Variants in NALF1 observed in about 807,000 individuals in gnomAD.
NALF1 encodes NALCN channel auxiliary factor 1.
In NALF1, 3 loss-of-function variants were observed where a neutral mutation model predicts 48.4. The ratio of observed to expected loss-of-function variants is 0.06; its 90% CI spans 0.03 to 0.16. NALF1 has a LOEUF of 0.16. NALF1 is among the 10% of genes least tolerant of loss of function. The probability of loss-of-function intolerance (pLI) is 1.00; values close to 1 mark genes in which losing one functional copy is unlikely to be tolerated. For synonymous variants in NALF1, 262 were observed against 245.7 expected (o/e 1.07, Z -0.62); for missense variants, 526 against 571.5 (o/e 0.92, Z 0.81).
chr13:107,591,232 T>C (rs1878595538), intron 1 of NALF1, among the ~76,000 whole-genome samples: 2 of 151,968 alleles, frequency 1.3e-5, no homozygotes, highest in African/African-American at 4.8e-5. Flanking sequence ...CGAGTATGGA[T>C]GGAAATATTC....
intron 1 of NALF1, among the ~76,000 whole-genome samples, chr13:107,322,122 T>G (rs1882267343): frequency 1.3e-5 from 2 of 152,172 alleles, no homozygotes; most frequent in Admixed American, 1.3e-4. Flanking sequence ...AACAGTTATT[T>G]CCATTGGCTG....
intron 1 of NALF1, among the ~76,000 whole-genome samples, chr13:107,771,327 A>G (rs1295971589): frequency 6.6e-6 from 1 of 151,902 alleles, no homozygotes; most frequent in Non-Finnish European, 1.5e-5. Context: ...AATATAAATA[A>G]ATTGCAGAAG....
intron 1 of NALF1, among the ~76,000 whole-genome samples, chr13:107,298,949 T>C (rs1047306139): frequency 1.3e-5 from 2 of 152,076 alleles, no homozygotes; most frequent in Non-Finnish European, 2.9e-5. Flanking sequence ...TTTTTTCCCC[T>C]AATGTTCTTT....
At chr13:107,670,480 G>A (rs1880965238) in intron 1 of NALF1, among the ~76,000 whole-genome samples, 1 of 152,042 alleles carries the variant, frequency 6.6e-6, no homozygotes, top group African/African-American at 2.4e-5. Flanking sequence ...CTTTTCTCGA[G>A]GCTATAATAG....
chr13:107,726,561 T>C (rs77743888), intron 1 of NALF1, among the ~76,000 whole-genome samples: 1 of 152,162 alleles, frequency 6.6e-6, no homozygotes, highest in East Asian at 1.9e-4. Flanking sequence ...TTTGTGAAAG[T>C]ACTGCCTCTT....
intron 1 of NALF1, among the ~76,000 whole-genome samples, chr13:107,501,630 T>G (rs1024052474): frequency 2.6e-5 from 4 of 152,192 alleles, no homozygotes; most frequent in African/African-American, 9.6e-5. Context: ...AAGGTGTCAC[T>G]GATGGGATCA....
intron 1 of NALF1, among the ~76,000 whole-genome samples, chr13:107,853,437 G>T (rs887316213): frequency 2.0e-5 from 3 of 152,090 alleles, no homozygotes; most frequent in Non-Finnish European, 4.4e-5. Context: ...TTCTTTTCCT[G>T]TGGACACAGT....
At chr13:107,560,299 G>A (rs1877608414) in intron 1 of NALF1, among the ~76,000 whole-genome samples, 1 of 152,048 alleles carries the variant, frequency 6.6e-6, no homozygotes, top group Non-Finnish European at 1.5e-5. Context: ...AATGTAGACT[G>A]GATGGGACTA....
At chr13:107,772,951 G>C (rs2138571633) in intron 1 of NALF1, among the ~76,000 whole-genome samples, 1 of 152,154 alleles carries the variant, frequency 6.6e-6, no homozygotes, top group South Asian at 2.1e-4. Context: ...TTTCAGGATA[G>C]ATCTTTATTA....
At position 107,854,380 on chromosome 13, in the gene NALF1, G is replaced by A. The variant is rs147020131; in HGVS notation, c.915+11302C>T. ...TGGCATGAGGCCATTGCCTGAGAAGGCATACCTGCCTGACAACTTGTTGGC... is the reference window on the plus strand; with the variant it reads ...TGGCATGAGGCCATTGCCTGAGAAGACATACCTGCCTGACAACTTGTTGGC... On this transcript the variant is annotated intron_variant, in intron 1 of 2. Coordinates refer to ENST00000375915, the MANE Select transcript of NALF1 (RefSeq NM_001080396.3). Among the ~76,000 whole-genome samples the A allele has an allele frequency of 1.1e-3, 162 of 152,338 alleles. 1 individual carries two copies. The highest frequency in any genetic ancestry group is 1.9e-3 in the Non-Finnish European group (126 of 68,026).
chr13:107,515,963 T>C (rs907075893), intron 1 of NALF1, among the ~76,000 whole-genome samples: 31 of 152,330 alleles, frequency 2.0e-4, no homozygotes, highest in Admixed American at 4.6e-4. Context: ...AATGAGTTGA[T>C]GATTCTGGGC....
chr13:107,185,956 T>C (rs1319066885), intron 2 of NALF1, among the ~76,000 whole-genome samples: 1 of 152,200 alleles, frequency 6.6e-6, no homozygotes, highest in African/African-American at 2.4e-5. Flanking sequence ...AAATGTTAGA[T>C]GCAAAATTCC....
chr13:107,676,755 C>T (rs1434115882), intron 1 of NALF1, among the ~76,000 whole-genome samples: 2 of 152,078 alleles, frequency 1.3e-5, no homozygotes, highest in Non-Finnish European at 2.9e-5. Flanking sequence ...CATTTGAATG[C>T]ATACATACAT....
At chr13:107,332,820 C>T (rs1050796363) in intron 1 of NALF1, among the ~76,000 whole-genome samples, 1 of 151,930 alleles carries the variant, frequency 6.6e-6, no homozygotes, top group Admixed American at 6.6e-5. Context: ...TCAGTACATT[C>T]TTTTTTTGTT....
intron 1 of NALF1, among the ~76,000 whole-genome samples, chr13:107,483,377 T>C (rs1004059806): frequency 2.0e-5 from 3 of 152,186 alleles, no homozygotes; most frequent in Non-Finnish European, 4.4e-5. Context: ...TGTTCTTCTC[T>C]TTTGTAGTCT....
At chr13:107,438,223 C>T (rs1884494152) in intron 1 of NALF1, among the ~76,000 whole-genome samples, 1 of 152,148 alleles carries the variant, frequency 6.6e-6, no homozygotes, top group Non-Finnish European at 1.5e-5. Flanking sequence ...GAAAATTCAT[C>T]TTTGAGAAAG....
chr13:107,555,300 T>G (rs1013099202), intron 1 of NALF1, among the ~76,000 whole-genome samples: 2 of 151,962 alleles, frequency 1.3e-5, no homozygotes, highest in Non-Finnish European at 2.9e-5. Context: ...GAGACAAAGT[T>G]TCATTCTTGT....
intron 1 of NALF1, among the ~76,000 whole-genome samples, chr13:107,391,183 T>C (rs1437502882): frequency 6.6e-6 from 1 of 152,104 alleles, no homozygotes; most frequent in Non-Finnish European, 1.5e-5. Context: ...AAGTCCAAGA[T>C]GGGTCCCTGG....
intron 1 of NALF1, among the ~76,000 whole-genome samples, chr13:107,518,569 G>A (rs377324551): frequency 6.6e-5 from 10 of 152,202 alleles, no homozygotes; most frequent in Admixed American, 1.3e-4. Flanking sequence ...CTAAGTGCTC[G>A]GGATATTTCA....
Sources: gnomAD v4.1 joint callset for allele counts (sites outside exome capture counted in the v4.1 genomes callset) on GRCh38, gnomAD v4.1.1 for gene constraint, MANE v1.5 for transcripts, NCBI Gene and HGNC (gene_info 2026-07-23, HGNC 2026-07-21) for gene names.